Variants in ZNF136 observed in about 807,000 individuals in gnomAD.
The protein encoded by ZNF136 is zinc finger protein 136 (clone pHZ-20).
Under a neutral mutation model 11.4 loss-of-function variants are expected in ZNF136, and 8 were observed. The ratio of observed to expected loss-of-function variants is 0.70; its 90% confidence interval spans 0.41 to 1.27. The LOEUF is 1.27. ZNF136 is among the 50% of genes most tolerant of loss of function. The pLI is 0.01. For missense variants in ZNF136, 590 were observed against 656.5 expected (o/e 0.90, Z 1.11); for synonymous variants, 190 against 207.1 (o/e 0.92, Z 0.71).
rs966544190 is a variant in ZNF136 at position 12,189,236 on chromosome 19, T to C, written c.*1235T>C. The C allele has an allele frequency of 1.3e-5, 2 of 152,262 alleles. No homozygotes were observed. Among genetic ancestry groups the C allele is most frequent in the African/African-American group, 4.8e-5 (2 of 41,472 alleles). The allele number at this position is 152,262 out of a possible 1,614,324, so 9.4% of individuals were successfully genotyped here. A position where few individuals can be genotyped will look rare whatever the true frequency, so the allele number is the denominator to read the frequency against. The stretch of plus-strand genomic sequence containing the variant: ...ACTGAAAAATAAGTCTTAATAAATG[T>C]TGGTATGAACCTACTTGCTTCATTT... On this transcript the variant is annotated 3_prime_UTR_variant, in exon 4 of 4. Transcript: ENST00000343979.
chr19:12,168,281 C>T (rs1191723379), intron 1 of ZNF136, among the ~76,000 whole-genome samples: 1 of 151,714 alleles, frequency 6.6e-6, no homozygotes, highest in Non-Finnish European at 1.5e-5. Context: ...ACCATATTAG[C>T]CAGGCTGGTC....
intron 1 of ZNF136, among the ~76,000 whole-genome samples, chr19:12,164,178 G>T (rs1476655416): frequency 1.3e-5 from 2 of 152,140 alleles, no homozygotes; most frequent in Non-Finnish European, 2.9e-5. Flanking sequence ...ACCTCTGGGG[G>T]CACTCAGCTT....
At chr19:12,173,005 C>T (rs929633150) in intron 1 of ZNF136, among the ~76,000 whole-genome samples, 4 of 151,616 alleles carry the variant, frequency 2.6e-5, no homozygotes, top group African/African-American at 9.7e-5. Flanking sequence ...AGCCAGACTC[C>T]ATCTCAAAAA....
At position 12,185,933 on chromosome 19, in the gene ZNF136, C is replaced by T. The variant is rs1010864743; in HGVS notation, c.130+22C>T. On this transcript the variant is annotated intron_variant, in intron 2 of 3. Coordinates refer to ENST00000343979, the MANE Select transcript of ZNF136 (RefSeq NM_003437.5). ...ATAGGTAAGGATTGTATACTTCCAT[C>T]ACTTAGCAATTAAAGAAGAAGTGCT... The T allele has an allele frequency of 5.0e-6, 8 of 1,610,608 alleles. No individual in the cohort carries two copies. In the African/African-American group the frequency reaches 9.4e-5, roughly 19 times the overall value.
chr19:12,170,461 C>T (rs1379998121), intron 1 of ZNF136, among the ~76,000 whole-genome samples: 2 of 151,140 alleles, frequency 1.3e-5, no homozygotes, highest in Non-Finnish European at 2.9e-5. Flanking sequence ...AATCACAGCT[C>T]ACTGCAACCT....
In ZNF136 at chr19:12,188,045, G is replaced by A; in HGVS notation, c.*44G>A. 4 of 1,433,756 alleles carry A rather than the reference G, an allele frequency of 2.8e-6. No homozygotes were observed. Among genetic ancestry groups the A allele is most frequent in the Non-Finnish European group, 3.7e-6 (4 of 1,086,212 alleles). 88.8% of individuals were successfully genotyped at this position (1,433,756 alleles called of 1,614,324 possible). A position where few individuals can be genotyped will look rare whatever the true frequency, so the allele number is the denominator to read the frequency against. ...GATACATTAAAATACTCACTGAAGA[G>A]AAGCCCTATGAATGTAAGTAACGTG... On this transcript the variant is annotated 3_prime_UTR_variant, in exon 4 of 4. Transcript: ENST00000343979.
At chr19:12,181,351 A>G (rs960938079) in intron 1 of ZNF136, among the ~76,000 whole-genome samples, 1 of 152,078 alleles carries the variant, frequency 6.6e-6, no homozygotes, top group Non-Finnish European at 1.5e-5. Flanking sequence ...ACTCTCCTTG[A>G]TCTGGCAGCA....
chr19:12,186,956 A>T lies in ZNF136; in HGVS notation c.578A>T (p.Tyr193Phe), dbSNP rs1437892988. Residue 193 changes from tyrosine to phenylalanine, a missense_variant, in exon 4 of 4, where the codon TAT (tyrosine) becomes TTT (phenylalanine). Physicochemically the swap from Tyr to Phe is conservative, Grantham distance 22 (BLOSUM62 3). Transcript: ENST00000343979. The stretch of plus-strand genomic sequence containing the variant: ...AGACACATCATCACACACAGTGGAT[A>T]TACACCATATAAATGTAAGGTGTGT... ...IRRHIITHSG[Y>F]TPYKCKVCGK... 6.2e-7 allele frequency: 1 copy of T among 1,614,046 alleles called. No homozygotes were observed. Among genetic ancestry groups the T allele is most frequent in the African/African-American group, 1.3e-5 (1 of 74,944 alleles).
chr19:12,182,178 G>C (rs901940944), intron 1 of ZNF136, among the ~76,000 whole-genome samples: 2 of 152,202 alleles, frequency 1.3e-5, no homozygotes, highest in African/African-American at 4.8e-5. Flanking sequence ...TTTTATGTTT[G>C]TGACCTTTTC....
chr19:12,172,619 T>C (rs1914686423), intron 1 of ZNF136, among the ~76,000 whole-genome samples: 1 of 152,154 alleles, frequency 6.6e-6, no homozygotes, highest in South Asian at 2.1e-4. Context: ...TGATAGTAGT[T>C]AGGTTCAAAT....
rs747228414 is a variant in ZNF136, at chr19:12,187,138, TGTAAG to T, written c.764_768del (p.Lys255MetfsTer15). ...GCACACTGGAGATGGACCTTATAAA[TGTAAG>T]GTATGTGGGAAACCCTTTCATTCTC... On this transcript the variant is annotated frameshift_variant, in exon 4 of 4. Coordinates refer to ENST00000343979, the MANE Select transcript of ZNF136 (RefSeq NM_003437.5). LOFTEE classifies it low-confidence loss of function (END_TRUNC). The T allele has an allele frequency of 3.1e-6, 5 of 1,614,136 alleles. No individual in the cohort carries two copies. The highest frequency in any genetic ancestry group is 4.2e-6 in the Non-Finnish European group (5 of 1,180,012).
At chr19:12,178,584 A>G (rs1914855781) in intron 1 of ZNF136, among the ~76,000 whole-genome samples, 1 of 152,250 alleles carries the variant, frequency 6.6e-6, no homozygotes, top group African/African-American at 2.4e-5. Flanking sequence ...GTATGCTAAC[A>G]AATGTTAATG....
At chr19:12,185,757 T>C in intron 1 of ZNF136, 28 bp from the exon 2 acceptor site, 1 of 1,606,844 alleles carries the variant, frequency 6.2e-7, no homozygotes, top group East Asian at 2.2e-5. Context: ...TCACCCATTC[T>C]CCTCTCCACA....
In ZNF136 at chr19:12,187,143, G is replaced by A; in HGVS notation, c.765G>A (p.Lys255=). The change falls in exon 4 of 4, where the codon AAG becomes AAA. Residue 255 remains lysine, a synonymous_variant. Transcript: ENST00000343979. The stretch of plus-strand genomic sequence containing the variant: ...CTGGAGATGGACCTTATAAATGTAA[G>A]GTATGTGGGAAACCCTTTCATTCTC... ...KHTGDGPYKC[K]VCGKPFHSLS... is the part of the protein sequence containing the mutation. 11 of 1,614,004 alleles carry A rather than the reference G, an allele frequency of 6.8e-6. No homozygotes were observed. Among genetic ancestry groups the A allele is most frequent in the Non-Finnish European group, 9.3e-6 (11 of 1,179,982 alleles).
intron 1 of ZNF136, among the ~76,000 whole-genome samples, chr19:12,168,710 T>C (rs1914556067): frequency 6.6e-6 from 1 of 151,952 alleles, no homozygotes. Context: ...AGTTTCACTC[T>C]TGTTGCCCAG....
Position 12,163,110 on chromosome 19 carries a change from C to T in ZNF136, c.-94C>T. The T allele has an allele frequency of 7.5e-7, 1 of 1,337,688 alleles. No homozygotes were observed. Among genetic ancestry groups the T allele is most frequent in the Non-Finnish European group, 9.7e-7 (1 of 1,025,690 alleles). 82.9% of individuals were successfully genotyped at this position (1,337,688 alleles called of 1,614,324 possible). ...GGTTTCGCTTCGCTAGTCCCAGAGGCCCAGAGTGGCTCGCCTGGAGTCTCT... is the reference window on the plus strand; with the variant it reads ...GGTTTCGCTTCGCTAGTCCCAGAGGTCCAGAGTGGCTCGCCTGGAGTCTCT... On this transcript the variant is annotated 5_prime_UTR_variant, in exon 1 of 4. Transcript: ENST00000343979.
intron 1 of ZNF136, among the ~76,000 whole-genome samples, chr19:12,181,478 TG>T (rs978886050): frequency 2.0e-5 from 3 of 149,470 alleles, no homozygotes; most frequent in Admixed American, 6.6e-5. Flanking sequence ...CATTTGTTTT[TG>T]TTTTTTTTTT....
chr19:12,187,287 T>G lies in ZNF136; in HGVS notation c.909T>G (p.Thr303=), dbSNP rs1915131710. 2 of 1,614,170 alleles carry G rather than the reference T, an allele frequency of 1.2e-6. No individual in the cohort carries two copies. The highest frequency in any genetic ancestry group is 1.7e-6 in the Non-Finnish European group (2 of 1,180,026). ...TACGAATACATGAAAGAACCCATACTGGAGAGAAACCTTATGAATGCAAGC... is the reference window on the plus strand; with the variant it reads ...TACGAATACATGAAAGAACCCATACGGGAGAGAAACCTTATGAATGCAAGC... ...PTLRIHERTH[T]GEKPYECKQC... Residue 303 remains threonine (T), a synonymous_variant, in exon 4 of 4, where the codon ACT becomes ACG. Coordinates refer to ENST00000343979, the MANE Select transcript of ZNF136 (RefSeq NM_003437.5).
In ZNF136 at chr19:12,185,923, A is replaced by G. The variant is rs974996397; in HGVS notation, c.130+12A>G. ...TCTGGCCTCTATAGGTAAGGATTGT[A>G]TACTTCCATCACTTAGCAATTAAAG... is the stretch of plus-strand genomic sequence containing the variant. On this transcript the variant is annotated intron_variant, in intron 2 of 3. Coordinates refer to ENST00000343979, the MANE Select transcript of ZNF136 (RefSeq NM_003437.5). 1.2e-6 allele frequency: 2 copies of G among 1,612,416 alleles called. No individual in the cohort carries two copies. The highest frequency in any genetic ancestry group is 1.7e-6 in the Non-Finnish European group (2 of 1,179,654).
Sources: allele counts gnomAD v4.1 joint callset (sites outside exome capture counted in the v4.1 genomes callset), GRCh38; gene constraint gnomAD v4.1.1; transcripts MANE v1.5; gene names NCBI Gene and HGNC (gene_info 2026-07-23, HGNC 2026-07-21).